Variants in NCAPD2 observed in about 807,000 individuals in gnomAD.
The protein encoded by NCAPD2 is condensin complex subunit 1.
A neutral mutation model predicts 164.5 loss-of-function variants in NCAPD2; 100 were observed. The observed-to-expected ratio is 0.61, with a 90% CI of 0.52 to 0.72. The LOEUF is 0.72. Ranked by LOEUF, NCAPD2 falls within the 30% of genes least tolerant of loss-of-function variation. The pLI is 0.00. For synonymous variants in NCAPD2, 585 were observed against 642.6 expected (o/e 0.91, Z 1.36); for missense variants, 1,560 against 1,749.2 (o/e 0.89, Z 1.93).
intron 18 of NCAPD2, 57 bp from the exon 19 acceptor site, chr12:6,526,011 C>T (rs1469671901): frequency 3.1e-6 from 5 of 1,592,208 alleles, no homozygotes; most frequent in African/African-American, 2.7e-5. Flanking sequence ...TTGGCCCTTT[C>T]TCCCCCGATG....
intron 15 of NCAPD2, 109 bp from the exon 16 acceptor site, chr12:6,522,719 A>C (rs894949427): frequency 5.5e-5 from 68 of 1,229,386 alleles, no homozygotes; most frequent in Non-Finnish European, 7.7e-5. Context: ...TCTCAGGGAA[A>C]ATGCGGAAGG....
At chr12:6,504,370 C>G (rs1452473685) in intron 2 of NCAPD2, among the ~76,000 whole-genome samples, 1 of 151,450 alleles carries the variant, frequency 6.6e-6, no homozygotes, top group Non-Finnish European at 1.5e-5. Context: ...AGAAGCCTTA[C>G]AAGTAACATA....
intron 2 of NCAPD2, among the ~76,000 whole-genome samples, chr12:6,503,835 T>C (rs1400916076): frequency 1.3e-5 from 2 of 148,390 alleles, no homozygotes; most frequent in African/African-American, 5.0e-5. Flanking sequence ...AAAAATTAGC[T>C]AGGTGTGGTG....
chr12:6,528,099 G>A lies in NCAPD2; in HGVS notation c.3143+8G>A, dbSNP rs568314662. 17 of 1,614,206 alleles carry A rather than the reference G, an allele frequency of 1.1e-5. No individual in the cohort carries two copies. The highest frequency in any genetic ancestry group is 4.5e-5 in the East Asian group (2 of 44,884). ...CAAGTTCTGCATGATCAGGTAGGCC[G>A]TGGGGTTGGTACCCCCTTCTCAAGG... On this transcript the variant is annotated splice_region_variant and intron_variant, in intron 24 of 31. Coordinates refer to ENST00000315579, the MANE Select transcript of NCAPD2 (RefSeq NM_014865.4). The surrounding 1 kb of genome is among the most constrained non-coding windows in gnomAD (Gnocchi z 5.1).
At chr12:6,509,656 T>A (rs1946127852) in intron 2 of NCAPD2, 61 bp from the exon 3 acceptor site, 14 of 1,475,806 alleles carry the variant, frequency 9.5e-6, no homozygotes, top group African/African-American at 1.4e-5. Flanking sequence ...CTGCCATGGA[T>A]AGAATTTACT....
rs771267179 is a variant in NCAPD2, at chr12:6,528,220, A to G, written c.3191A>G (p.Glu1064Gly). 1.2e-6 allele frequency: 2 copies of G among 1,614,120 alleles called. No homozygotes were observed. Among genetic ancestry groups the G allele is most frequent in the Admixed American group, 3.3e-5 (2 of 60,026 alleles). ...CTTCGTCTTCTGTTCACCATGCTGG[A>G]AAAGTCTCCACTTCCCATTGTCCGG... is the stretch of plus-strand genomic sequence containing the variant. ...SQLRLLFTMLEKSPLPIVRSN... is the reference protein window; with the variant it reads ...SQLRLLFTMLGKSPLPIVRSN... Residue 1064 changes from glutamate to glycine, a missense_variant, in exon 25 of 32, where the codon GAA (glutamate) becomes GGA (glycine). Coordinates refer to ENST00000315579, the MANE Select transcript of NCAPD2 (RefSeq NM_014865.4). The surrounding 1 kb of genome is among the most constrained non-coding windows in gnomAD (Gnocchi z 5.1).
chr12:6,521,064 G>C lies in NCAPD2; in HGVS notation c.1668G>C (p.Glu556Asp). 6.2e-7 allele frequency: 1 copy of C among 1,614,194 alleles called. No homozygotes were observed. The highest frequency in any genetic ancestry group is 8.5e-7 in the Non-Finnish European group (1 of 1,180,012). Residue 556 changes from glutamate (E) to aspartate (D), a missense_variant, in exon 14 of 32, where the codon GAG becomes GAC. Physicochemically the swap from Glu to Asp is conservative, Grantham distance 45. Transcript: ENST00000315579. ...SEPFSHIDPE[E>D]SEETRLLNIL... ...CCTTCAGTCATATAGACCCAGAGGAGTCAGAGGAGACCAGGCTCTTGAATA... is the reference window on the plus strand; with the variant it reads ...CCTTCAGTCATATAGACCCAGAGGACTCAGAGGAGACCAGGCTCTTGAATA...
chr12:6,502,534 T>C (rs74058609), intron 2 of NCAPD2, among the ~76,000 whole-genome samples: 2,810 of 152,284 alleles, frequency 0.018, 93 homozygotes, highest in African/African-American at 0.064. Context: ...GTCACATGAA[T>C]GGAGTAACCA....
chr12:6,517,267 T>C, intron 10 of NCAPD2, 98 bp from the exon 11 acceptor site: 2 of 1,516,692 alleles, frequency 1.3e-6, no homozygotes, highest in East Asian at 2.3e-5. Context: ...GTTTTTAGAG[T>C]GAGTGGGTAG....
At chr12:6,529,168 T>C (rs763824936) in intron 27 of NCAPD2, 129 bp downstream of exon 27, 17 of 763,490 alleles carry the variant, frequency 2.2e-5, no homozygotes, top group Non-Finnish European at 3.4e-5. Context: ...TTAGCCTCTC[T>C]TTGTGCCTAT....
In NCAPD2 at chr12:6,522,384, C is replaced by T. The variant is rs541595636; in HGVS notation, c.1954+347C>T. Among the ~76,000 whole-genome samples the T allele has an allele frequency of 4.6e-5, 7 of 151,736 alleles. No individual in the cohort carries two copies. The South Asian group carries it at 1.3e-3, about 27-fold the overall frequency. On this transcript the variant is annotated intron_variant, in intron 15 of 31. Coordinates refer to ENST00000315579, the MANE Select transcript of NCAPD2 (RefSeq NM_014865.4). Reference sequence around the variant, plus strand: ...GGAAGACAGGTTGAGGCCAGGAGTTCGAGAGCAGCCTGGGCAACATAGCAA... The same window carrying T: ...GGAAGACAGGTTGAGGCCAGGAGTTTGAGAGCAGCCTGGGCAACATAGCAA...
Position 6,528,415 on chromosome 12 carries a change from C to T in NCAPD2, c.3299+87C>T, listed in dbSNP as rs1946337912. 1.1e-5 allele frequency: 17 copies of T among 1,561,342 alleles called. 1 individual carries two copies. The South Asian group carries it at 1.7e-4, about 15-fold the overall frequency. Reference sequence around the variant, plus strand: ...GTGTGAGAATCACCAGGGCTCTTCCCCTAGGCTTTGGCATCACCGCGAACA... The same window carrying T: ...GTGTGAGAATCACCAGGGCTCTTCCTCTAGGCTTTGGCATCACCGCGAACA... On this transcript the variant is annotated intron_variant, in intron 25 of 31. Transcript: ENST00000315579. This position sits in a 1 kb window ranked among gnomAD's most constrained non-coding sequence, Gnocchi z 5.1.
Position 6,528,092 on chromosome 12 carries a change from G to C in NCAPD2, c.3143+1G>C. ...CCCTTGGCAAGTTCTGCATGATCAG[G>C]TAGGCCGTGGGGTTGGTACCCCCTT... On this transcript the variant is annotated splice_donor_variant, in intron 24 of 31. Transcript: ENST00000315579. LOFTEE classifies it high-confidence loss of function. The surrounding 1 kb of genome is among the most constrained non-coding windows in gnomAD (Gnocchi z 5.1). 1 of 1,614,230 alleles carries C rather than the reference G, an allele frequency of 6.2e-7. No individual in the cohort carries two copies.
intron 6 of NCAPD2, among the ~76,000 whole-genome samples, chr12:6,512,620 T>C (rs1243925666): frequency 6.6e-6 from 1 of 152,142 alleles, no homozygotes; most frequent in Non-Finnish European, 1.5e-5. Context: ...TGGCATTTCC[T>C]CAGAATGAAG....
At chr12:6,498,309 T>C (rs1291693529) in intron 2 of NCAPD2, among the ~76,000 whole-genome samples, 1 of 152,230 alleles carries the variant, frequency 6.6e-6, no homozygotes, top group Non-Finnish European at 1.5e-5. Context: ...TTTAATTCAT[T>C]TAACAAGTAT....
intron 17 of NCAPD2, 49 bp downstream of exon 17, chr12:6,523,395 G>GTTTTTTTT: frequency 8.1e-6 from 7 of 864,398 alleles, no homozygotes; most frequent in Middle Eastern, 3.1e-4. Flanking sequence ...AAGTATTTTG[G>GTTTTTTTT]TTGTTTTTTT....
chr12:6,531,683 T>A lies in NCAPD2; in HGVS notation c.*271T>A. The A allele has an allele frequency of 2.2e-6, 1 of 446,368 alleles. No homozygotes were observed. The highest frequency in any genetic ancestry group is 4.0e-6 in the Non-Finnish European group (1 of 251,006). The allele number at this position is 446,368 out of a possible 1,614,324, so 27.7% of individuals were successfully genotyped here. On this transcript the variant is annotated 3_prime_UTR_variant, in exon 32 of 32. Transcript: ENST00000315579. This position sits in a 1 kb window ranked among gnomAD's most constrained non-coding sequence, Gnocchi z 4.1. ...AGCCGGGCGTATTGGCGTGCGCCTG[T>A]AATCCCAGCTACTCAAGAGGCTGAG...
intron 2 of NCAPD2, among the ~76,000 whole-genome samples, chr12:6,507,460 G>A (rs1946108522): frequency 6.6e-6 from 1 of 152,258 alleles, no homozygotes; most frequent in Non-Finnish European, 1.5e-5. Context: ...TCCTTGGCCA[G>A]TCGCCGTGAA....
Position 6,521,940 on chromosome 12 carries a change from G to A in NCAPD2, c.1857G>A (p.Met619Ile), listed in dbSNP as rs1433009894. 3 of 1,614,004 alleles carry A rather than the reference G, an allele frequency of 1.9e-6. No homozygotes were observed. The highest frequency in any genetic ancestry group is 2.5e-6 in the Non-Finnish European group (3 of 1,180,004). The change falls in exon 15 of 32, where the codon ATG (methionine) becomes ATA (isoleucine). Residue 619 changes from methionine (M) to isoleucine (I), a missense_variant. By Grantham distance (10) the Met-to-Ile change is conservative. Transcript: ENST00000315579. ...RGNDELVKQEMLVQYLQDAYS... is the reference protein window; with the variant it reads ...RGNDELVKQEILVQYLQDAYS... ...ATGATGAACTAGTGAAGCAGGAGATGCTGGTACAGTATCTGCAGGATGCCT... is the reference window on the plus strand; with the variant it reads ...ATGATGAACTAGTGAAGCAGGAGATACTGGTACAGTATCTGCAGGATGCCT...
Sources: allele counts gnomAD v4.1 joint callset (sites outside exome capture counted in the v4.1 genomes callset), GRCh38; gene constraint gnomAD v4.1.1; non-coding constraint Gnocchi (gnomAD v3.1); transcripts MANE v1.5; gene names NCBI Gene and HGNC (gene_info 2026-07-23, HGNC 2026-07-21).